PTPDC1: variants seen among roughly 807,000 people sequenced by gnomAD.
PTPDC1 encodes protein tyrosine phosphatase domain containing 1.
PTPDC1 carries 53 observed loss-of-function variants against 75.3 expected under a neutral mutation model. The observed-to-expected ratio is 0.70, with a 90% CI of 0.56 to 0.88. PTPDC1 has a LOEUF of 0.88. Ranked by LOEUF, PTPDC1 falls within the 40% of genes least tolerant of loss-of-function variation. The pLI, the probability that PTPDC1 is intolerant of heterozygous loss-of-function variation, is 0.00. For missense variants in PTPDC1, 925 were observed against 998.6 expected, an observed-to-expected ratio of 0.93 and a Z score of 0.99; for synonymous variants, 349 against 366.2, an observed-to-expected ratio of 0.95 and a Z score of 0.54.
At chr9:94,104,609 A>T (rs1261831892) in intron 8 of PTPDC1, among the ~76,000 whole-genome samples, 1 of 152,230 alleles carries the variant, frequency 6.6e-6, no homozygotes, top group East Asian at 1.9e-4. Flanking sequence ...GAGTTTTTTG[A>T]AGGAGAACGT....
In PTPDC1 at chr9:94,108,805, C is replaced by T. The variant is rs1314458791; in HGVS notation, c.*861C>T. 6.6e-6 allele frequency: 1 copy of T among 152,250 alleles called. No individual in the cohort carries two copies. The highest frequency in any genetic ancestry group is 1.9e-4 in the East Asian group (1 of 5,188). The allele number at this position is 152,250 out of a possible 1,614,324, so 9.4% of individuals were successfully genotyped here. The stretch of plus-strand genomic sequence containing the variant: ...AGAAGCAGGGCTTGCCTCTGTCCTC[C>T]CGGGGACTCCACAGGGATATTCGTG... On this transcript the variant is annotated 3_prime_UTR_variant, in exon 9 of 9. Transcript: ENST00000620992.
Position 94,101,674 on chromosome 9 carries a change from G to C in PTPDC1, c.2122G>C (p.Val708Leu). The C allele has an allele frequency of 1.2e-6, 2 of 1,613,902 alleles. No homozygotes were observed. The highest frequency in any genetic ancestry group is 1.7e-6 in the Non-Finnish European group (2 of 1,179,810). Residue 708 changes from valine to leucine, a missense_variant, in exon 7 of 9, where the codon GTA (valine) becomes CTA (leucine). By Grantham distance (32) the Val-to-Leu change is conservative. Transcript: ENST00000620992. ...TTGGGTGGAGCAACTGAAGGAGCCT[G>C]TAATCACCAAAGAGGATGTGGACAT... ...WSWVEQLKEP[V>L]ITKEDVDMLV...
At chr9:94,087,477 G>A in intron 2 of PTPDC1, among the ~76,000 whole-genome samples, 1 of 151,908 alleles carries the variant, frequency 6.6e-6, no homozygotes, top group East Asian at 1.9e-4. Context: ...TTTTGTACAA[G>A]AAAAAGCAGA....
At chr9:94,098,605 T>C (rs1273416153) in intron 6 of PTPDC1, 26 bp downstream of exon 6, 1 of 1,553,244 alleles carries the variant, frequency 6.4e-7, no homozygotes, top group East Asian at 2.2e-5. Context: ...AATTTAATTA[T>C]AGATATGTGG....
chr9:94,105,229 C>T (rs531291088), intron 8 of PTPDC1, among the ~76,000 whole-genome samples: 1 of 152,352 alleles, frequency 6.6e-6, no homozygotes, highest in South Asian at 2.1e-4. Context: ...ATGGCACTAA[C>T]CACTGACATC....
intron 1 of PTPDC1, among the ~76,000 whole-genome samples, chr9:94,047,481 G>C (rs2118436485): frequency 6.6e-6 from 1 of 152,178 alleles, no homozygotes; most frequent in Admixed American, 6.5e-5. Context: ...ATCTAAAATT[G>C]ACACCCTAAC....
In PTPDC1 at chr9:94,095,151, TA is replaced by T. The variant is rs1282083102; in HGVS notation, c.617-164del. On this transcript the variant is annotated intron_variant, in intron 4 of 8. Transcript: ENST00000620992. The stretch of plus-strand genomic sequence containing the variant: ...TAAAATGTGCTTTGTGAGTAAATGT[TA>T]ACAGTAAAGTTACTGGGAATGTAAA... 2.0e-5 allele frequency among the ~76,000 whole-genome samples: 3 copies of T among 152,238 alleles called. No homozygotes were observed. In the East Asian group the frequency reaches 5.8e-4, roughly 29 times the overall value.
At chr9:94,096,576 A>G (rs1017279523) in intron 5 of PTPDC1, among the ~76,000 whole-genome samples, 2 of 152,198 alleles carry the variant, frequency 1.3e-5, no homozygotes, top group Admixed American at 6.5e-5. Context: ...TTAACTAGTA[A>G]TAACCTTACT....
chr9:94,075,942 T>C (rs1465389734), intron 2 of PTPDC1, among the ~76,000 whole-genome samples: 2 of 152,168 alleles, frequency 1.3e-5, no homozygotes, highest in East Asian at 3.8e-4. Flanking sequence ...GGAAGATTAT[T>C]ATCACCCCAA....
At chr9:94,103,160 A>G (rs1282079552) in intron 7 of PTPDC1, among the ~76,000 whole-genome samples, 1 of 152,222 alleles carries the variant, frequency 6.6e-6, no homozygotes, top group Non-Finnish European at 1.5e-5. Context: ...TATGCAATAC[A>G]TATCTTTTAA....
chr9:94,045,706 A>G (rs556999927), intron 1 of PTPDC1, among the ~76,000 whole-genome samples: 3 of 151,676 alleles, frequency 2.0e-5, no homozygotes, highest in East Asian at 1.9e-4. Context: ...TTTTTTTCTT[A>G]TAAATTTGTT....
chr9:94,067,871 G>C (rs1380792843), intron 2 of PTPDC1, among the ~76,000 whole-genome samples: 1 of 152,188 alleles, frequency 6.6e-6, no homozygotes, highest in Non-Finnish European at 1.5e-5. Context: ...GAAAGTGTTA[G>C]GATTACAGGC....
intron 2 of PTPDC1, among the ~76,000 whole-genome samples, chr9:94,075,188 C>T (rs1013564904): frequency 1.3e-5 from 2 of 152,198 alleles, no homozygotes; most frequent in African/African-American, 4.8e-5. Context: ...AATCAGAGTG[C>T]CACCTGCTTC....
At chr9:94,056,480 T>C (rs1825942276) in intron 1 of PTPDC1, among the ~76,000 whole-genome samples, 1 of 152,172 alleles carries the variant, frequency 6.6e-6, no homozygotes, top group Non-Finnish European at 1.5e-5. Flanking sequence ...ATTATTGCAC[T>C]CCAGATTTTC....
chr9:94,043,964 G>A (rs570112675), intron 1 of PTPDC1, among the ~76,000 whole-genome samples: 19 of 152,060 alleles, frequency 1.2e-4, no homozygotes, highest in African/African-American at 4.1e-4. Flanking sequence ...AAAATTAGTC[G>A]ACTATATTTT....
intron 7 of PTPDC1, 83 bp downstream of exon 7, chr9:94,101,834 AAG>A: frequency 3.8e-6 from 3 of 799,828 alleles, no homozygotes; most frequent in South Asian, 2.4e-5. Context: ...ATTATAAAAA[AAG>A]AGAATTCACA....
At chr9:94,092,280 T>G (rs1252579734) in intron 4 of PTPDC1, among the ~76,000 whole-genome samples, 24 of 145,042 alleles carry the variant, frequency 1.7e-4, no homozygotes, top group South Asian at 4.6e-4. Context: ...TCTGGTATGT[T>G]GTGTCTTTGT....
chr9:94,075,213 T>A (rs1477232895), intron 2 of PTPDC1, among the ~76,000 whole-genome samples: 3 of 152,120 alleles, frequency 2.0e-5, no homozygotes, highest in Non-Finnish European at 4.4e-5. Context: ...AATTGGGGTA[T>A]GGAAAATTAG....
At chr9:94,085,635 C>A (rs982247394) in intron 2 of PTPDC1, among the ~76,000 whole-genome samples, 1 of 152,006 alleles carries the variant, frequency 6.6e-6, no homozygotes, top group African/African-American at 2.4e-5. Flanking sequence ...AAAACCAAAA[C>A]CATAGGGTTT....
Sources: gnomAD v4.1 joint callset for allele counts (sites outside exome capture counted in the v4.1 genomes callset) on GRCh38, gnomAD v4.1.1 for gene constraint, MANE v1.5 for transcripts, NCBI Gene and HGNC (gene_info 2026-07-23, HGNC 2026-07-21) for gene names.